VIPR1: variants seen among roughly 807,000 people sequenced by gnomAD.
The protein encoded by VIPR1 is vasoactive intestinal polypeptide receptor 1.
A neutral mutation model predicts 58.8 loss-of-function variants in VIPR1; 59 were observed. The ratio of observed to expected loss-of-function variants is 1.00; its 90% CI spans 0.81 to 1.25. The LOEUF (loss-of-function observed/expected upper bound fraction) is 1.25. VIPR1 is among the 50% of genes most tolerant of loss of function. VIPR1 has a pLI of 0.00. For missense variants in VIPR1, 626 were observed against 602.7 expected, an observed-to-expected ratio of 1.04 and a Z score of -0.40; for synonymous variants, 251 against 242.1, an observed-to-expected ratio of 1.04 and a Z score of -0.34.
At position 42,502,764 on chromosome 3, in the gene VIPR1, G is replaced by A. The variant is rs1241212342; in HGVS notation, c.29G>A (p.Arg10His). 3 of 1,303,696 alleles carry A rather than the reference G, an allele frequency of 2.3e-6. No homozygotes were observed. Among genetic ancestry groups the A allele is most frequent in the South Asian group, 2.3e-5 (1 of 42,828 alleles). The allele number at this position is 1,303,696 out of a possible 1,614,324, so 80.8% of individuals were successfully genotyped here. A position where few individuals can be genotyped will look rare whatever the true frequency, so the allele number is the denominator to read the frequency against. MRPPSPLPA[R>H]WLCVLAGALA... ...CGCCCGCCAAGTCCGCTGCCCGCCC[G>A]CTGGCTATGCGTGCTGGCAGGCGCC... Residue 10 changes from arginine to histidine, a missense_variant, in exon 1 of 13, where the codon CGC (arginine) becomes CAC (histidine). Physicochemically the swap from Arg to His is conservative, Grantham distance 29 (BLOSUM62 0). Transcript: ENST00000325123.
upstream of VIPR1, among the ~76,000 whole-genome samples, chr3:42,499,229 C>T (rs1302587871): frequency 2.9e-5 from 1 of 34,594 alleles, no homozygotes; most frequent in Non-Finnish European, 9.3e-5. Flanking sequence ...CACTCTGTGG[C>T]CCCCCCAGCC....
upstream of VIPR1, chr3:42,500,421 C>T (rs529063856): frequency 1.3e-5 from 2 of 152,238 alleles, no homozygotes; most frequent in African/African-American, 4.8e-5. Flanking sequence ...TGTCCAAGAA[C>T]CTTGTCCTCC....
chr3:42,503,380 G>A (rs559273559), intron 1 of VIPR1, among the ~76,000 whole-genome samples: 24 of 152,306 alleles, frequency 1.6e-4, no homozygotes, highest in Admixed American at 5.9e-4. Flanking sequence ...AGACCCCAAG[G>A]TGGAAGCTGG....
chr3:42,533,591 T>G (rs1701691847), intron 10 of VIPR1: 1 of 151,972 alleles, frequency 6.6e-6, no homozygotes, highest in Non-Finnish European at 1.5e-5. Context: ...CAGGTCTGTG[T>G]GGTGAGACAG....
intron 9 of VIPR1, 35 bp from the exon 10 acceptor site, chr3:42,532,207 C>T: frequency 6.2e-7 from 1 of 1,606,788 alleles, no homozygotes; most frequent in East Asian, 2.2e-5. Flanking sequence ...AGCCTTCCCG[C>T]TCTGACTGCC....
chr3:42,505,797 G>A (rs1454846300), intron 1 of VIPR1, among the ~76,000 whole-genome samples: 1 of 152,182 alleles, frequency 6.6e-6, no homozygotes, highest in Non-Finnish European at 1.5e-5. Flanking sequence ...TTTTGTGGAA[G>A]GGCCTCGGGT....
At chr3:42,499,578 C>A (rs897522900), upstream of VIPR1, among the ~76,000 whole-genome samples, 4 of 151,238 alleles carry the variant, frequency 2.6e-5, no homozygotes, top group African/African-American at 4.8e-5. Context: ...TCAGAACAGA[C>A]CCCCCCAGGG....
Position 42,502,819 on chromosome 3 carries a change from T to C in VIPR1, c.78+6T>C. 3 of 1,255,602 alleles carry C rather than the reference T, an allele frequency of 2.4e-6. No homozygotes were observed. The highest frequency in any genetic ancestry group is 2.0e-6 in the Non-Finnish European group (2 of 1,000,276). The allele number at this position is 1,255,602 out of a possible 1,614,324, so 77.8% of individuals were successfully genotyped here. ...CCTGGGCCCTTGGGCCGGCGGTGAG[T>C]GTTCGCCCGGCCGCCCAGAGTCCCG... On this transcript the variant is annotated splice_donor_region_variant and intron_variant, in intron 1 of 12. Coordinates refer to ENST00000325123, the MANE Select transcript of VIPR1 (RefSeq NM_004624.4).
chr3:42,501,941 A>T (rs1378462192), upstream of VIPR1: 2 of 152,238 alleles, frequency 1.3e-5, no homozygotes, highest in Admixed American at 1.3e-4. The surrounding 1 kb of genome is among the most constrained non-coding windows in gnomAD (Gnocchi z 4.8). Flanking sequence ...AGGTCTCCCG[A>T]GGCTTGAAGG....
chr3:42,512,102 G>C (rs1700388069), intron 1 of VIPR1: 1 of 152,258 alleles, frequency 6.6e-6, no homozygotes, highest in Non-Finnish European at 1.5e-5. Flanking sequence ...GTGCAAGATG[G>C]AGCTCGTGCT....
chr3:42,525,827 A>ACAG, intron 3 of VIPR1, 60 bp from the exon 4 acceptor site: 1 of 1,487,328 alleles, frequency 6.7e-7, no homozygotes, highest in Non-Finnish European at 9.1e-7. Flanking sequence ...CCAAGCAGAG[A>ACAG]CAGCCAGGTC....
chr3:42,516,596 G>A (rs1700638962), intron 2 of VIPR1: 1 of 152,314 alleles, frequency 6.6e-6, no homozygotes, highest in South Asian at 2.1e-4. Context: ...TCCCTGGCCT[G>A]TGCTGGCAGC....
Position 42,496,058 on chromosome 3 carries a change from G to A in VIPR1, c.-245+6380G>A, listed in dbSNP as rs183151226. ...TCGAGACCAGCCTGGCCAACATGGCGAAATCCCGTCTCTACTAAAAATACA... is the reference window on the plus strand; with the variant it reads ...TCGAGACCAGCCTGGCCAACATGGCAAAATCCCGTCTCTACTAAAAATACA... On this transcript the variant is annotated intron_variant, in intron 1 of 13. Transcript: ENST00000433647. 4.9e-3 allele frequency among the ~76,000 whole-genome samples: 752 copies of A among 152,146 alleles called. 6 individuals are homozygous for A. Among genetic ancestry groups the A allele is most frequent in the African/African-American group, 0.017 (698 of 41,520 alleles).
exon 1 of VIPR1, chr3:42,489,601 C>T (rs1174073037): frequency 1.3e-5 from 2 of 152,264 alleles, no homozygotes; most frequent in Admixed American, 6.5e-5. Flanking sequence ...GGAAGTGACT[C>T]CCTCAGCTGA....
chr3:42,525,423 C>G (rs942896141), intron 3 of VIPR1, among the ~76,000 whole-genome samples: 18 of 151,362 alleles, frequency 1.2e-4, no homozygotes, highest in African/African-American at 4.4e-4. Context: ...ACATCTAAGC[C>G]CTTCCAGGTG....
At chr3:42,519,624 T>C (rs1559488029) in intron 3 of VIPR1, 1 of 256,798 alleles carries the variant, frequency 3.9e-6, no homozygotes, top group Non-Finnish European at 7.4e-6. Context: ...CCTGTTGTCT[T>C]GGGCTGGTCT....
chr3:42,490,232 C>T (rs1424680799), intron 1 of VIPR1, among the ~76,000 whole-genome samples: 1 of 152,190 alleles, frequency 6.6e-6, no homozygotes, highest in Non-Finnish European at 1.5e-5. Flanking sequence ...GTTAGGGTCA[C>T]CACAAAGCAA....
chr3:42,531,334 C>T, intron 7 of VIPR1, 137 bp from the exon 8 acceptor site: 2 of 906,344 alleles, frequency 2.2e-6, no homozygotes, highest in Non-Finnish European at 3.5e-6. Flanking sequence ...ACCTATGCAA[C>T]CAAAGACAGC....
chr3:42,498,098 T>A (rs945042379), upstream of VIPR1, among the ~76,000 whole-genome samples: 2 of 152,178 alleles, frequency 1.3e-5, no homozygotes, highest in Admixed American at 6.5e-5. Context: ...CTCTCTCACA[T>A]ACTTCATTCT....
Sources: allele counts gnomAD v4.1 joint callset (sites outside exome capture counted in the v4.1 genomes callset), GRCh38; gene constraint gnomAD v4.1.1; non-coding constraint Gnocchi (gnomAD v3.1); transcripts MANE v1.5; gene names NCBI Gene and HGNC (gene_info 2026-07-23, HGNC 2026-07-21).